The following HHLA2 variants were observed in gnomAD, a reference collection of about 807,000 sequenced individuals.
The protein encoded by HHLA2 is HHLA2 member of B7 family.
Under a neutral mutation model 45.9 loss-of-function variants are expected in HHLA2, and 48 were observed. The ratio of observed to expected loss-of-function variants is 1.05; its 90% CI spans 0.83 to 1.33. HHLA2 has a LOEUF of 1.33. Ranked by LOEUF, HHLA2 falls within the 40% of genes most tolerant of loss-of-function variation. The pLI is 0.00. For synonymous variants in HHLA2, 161 were observed against 173.9 expected, an observed-to-expected ratio of 0.93 and a Z score of 0.59; for missense variants, 462 against 494.3, an observed-to-expected ratio of 0.93 and a Z score of 0.62.
intron 3 of HHLA2, among the ~76,000 whole-genome samples, chr3:108,332,147 C>A (rs1447792776): frequency 6.6e-6 from 1 of 152,078 alleles, no homozygotes; most frequent in Admixed American, 6.6e-5. Flanking sequence ...GGTTCAAAAG[C>A]AATCAAAATT....
chr3:108,354,612 C>T (rs1029224350), intron 5 of HHLA2, among the ~76,000 whole-genome samples: 44 of 151,856 alleles, frequency 2.9e-4, no homozygotes, highest in African/African-American at 3.6e-4. Context: ...TATATATACA[C>T]ACACACACAT....
intron 10 of HHLA2, 98 bp from the exon 10 acceptor site, chr3:108,377,160 G>T: frequency 2.6e-6 from 2 of 760,910 alleles, no homozygotes; most frequent in South Asian, 1.7e-5. Flanking sequence ...GCTTTTTGCC[G>T]CCCACCCCAA....
intron 8 of HHLA2, among the ~76,000 whole-genome samples, chr3:108,373,454 C>A (rs1394919735): frequency 1.1e-4 from 17 of 152,106 alleles, no homozygotes; most frequent in African/African-American, 3.9e-4. Flanking sequence ...TCCTATTCAA[C>A]ATAGTGTTGG....
At chr3:108,370,520 A>G (rs1002212028) in intron 8 of HHLA2, among the ~76,000 whole-genome samples, 1 of 152,128 alleles carries the variant, frequency 6.6e-6, no homozygotes, top group African/African-American at 2.4e-5. Flanking sequence ...CAGACGATCA[A>G]ACTACTCTGA....
At chr3:108,320,289 T>C (rs2081177208) in intron 2 of HHLA2, among the ~76,000 whole-genome samples, 1 of 152,226 alleles carries the variant, frequency 6.6e-6, no homozygotes, top group Non-Finnish European at 1.5e-5. Flanking sequence ...TTTCTTTTCC[T>C]TTTATTTTCT....
At chr3:108,325,599 G>A (rs1397216910) in intron 2 of HHLA2, 1 of 241,560 alleles carries the variant, frequency 4.1e-6, no homozygotes, top group African/African-American at 2.3e-5. Flanking sequence ...ATAGGAACTA[G>A]AGTTTCTGCC....
chr3:108,320,313 T>A (rs2081177415), intron 2 of HHLA2, among the ~76,000 whole-genome samples: 2 of 152,226 alleles, frequency 1.3e-5, no homozygotes. Context: ...TGTGAAATTA[T>A]GTGTAAAATG....
chr3:108,347,587 TC>T (rs1199833949), intron 3 of HHLA2, among the ~76,000 whole-genome samples: 1 of 152,146 alleles, frequency 6.6e-6, no homozygotes, highest in Admixed American at 6.5e-5. Flanking sequence ...TAGAATGACT[TC>T]TTTTTTTAAA....
chr3:108,364,556 G>A (rs2082033175), intron 8 of HHLA2, among the ~76,000 whole-genome samples: 1 of 152,176 alleles, frequency 6.6e-6, no homozygotes, highest in East Asian at 1.9e-4. Context: ...CCAGATCCTT[G>A]AGGAATCGCC....
chr3:108,358,005 A>G, exon 7 of HHLA2: 2 of 1,613,840 alleles, frequency 1.2e-6, no homozygotes, highest in Non-Finnish European at 1.7e-6. Flanking sequence ...AAATACAATT[A>G]TCAATGAATC....
At chr3:108,305,851 G>A (rs1405496854) in intron 1 of HHLA2, among the ~76,000 whole-genome samples, 1 of 152,184 alleles carries the variant, frequency 6.6e-6, no homozygotes, top group African/African-American at 2.4e-5. Flanking sequence ...TTGGATTCCT[G>A]GAGAAAACCC....
intron 2 of HHLA2, among the ~76,000 whole-genome samples, chr3:108,319,285 A>G (rs1002056464): frequency 1.1e-4 from 17 of 152,124 alleles, no homozygotes; most frequent in African/African-American, 4.1e-4. Flanking sequence ...ACTTTGGCAT[A>G]CAACTTCTCC....
chr3:108,327,685 G>T (rs2081310248), intron 2 of HHLA2, among the ~76,000 whole-genome samples: 1 of 151,984 alleles, frequency 6.6e-6, no homozygotes, highest in Non-Finnish European at 1.5e-5. Flanking sequence ...TCTCTATCTT[G>T]TCTTGTCTCT....
At chr3:108,312,784 A>G (rs1481635404) in intron 2 of HHLA2, among the ~76,000 whole-genome samples, 1 of 152,182 alleles carries the variant, frequency 6.6e-6, no homozygotes, top group Non-Finnish European at 1.5e-5. Flanking sequence ...ACCCTCAGTA[A>G]TTCCACTGCA....
At chr3:108,302,432 A>G (rs1294435221) in intron 1 of HHLA2, 1 of 152,160 alleles carries the variant, frequency 6.6e-6, no homozygotes, top group Non-Finnish European at 1.5e-5. Flanking sequence ...TTGCATTTTG[A>G]TTGGTTCAAA....
intron 2 of HHLA2, among the ~76,000 whole-genome samples, chr3:108,324,834 A>G (rs1474933370): frequency 6.6e-6 from 1 of 152,060 alleles, no homozygotes; most frequent in Non-Finnish European, 1.5e-5. Context: ...CCTTGCTGCA[A>G]ATTTGTAATT....
At chr3:108,363,076 T>G (rs1258651405) in intron 8 of HHLA2, among the ~76,000 whole-genome samples, 3 of 152,176 alleles carry the variant, frequency 2.0e-5, no homozygotes, top group Admixed American at 6.5e-5. Flanking sequence ...TTTCTAAATT[T>G]TAGGCAAAAA....
Position 108,321,091 on chromosome 3 carries a change from T to TAAAAAAAAAA in HHLA2, c.-104-7167_-104-7158dup, listed in dbSNP as rs67374827. 8.7e-3 allele frequency among the ~76,000 whole-genome samples: 881 copies of TAAAAAAAAAA among 101,362 alleles called. 23 individuals are homozygous for TAAAAAAAAAA. Among genetic ancestry groups the TAAAAAAAAAA allele is most frequent in the African/African-American group, 0.03 (822 of 27,596 alleles). The allele number at this position is 101,362 out of a possible 152,430, so 66.5% of individuals were successfully genotyped here. On this transcript the variant is annotated intron_variant, in intron 2 of 10. Transcript: ENST00000619531. ...TCACCAGAACATTTCTCCAGGTGTT[T>TAAAAAAAAAA]AAAAAAAAAAAAAAAAAAAAAGACT...
chr3:108,358,147 A>T (rs1161440707), exon 7 of HHLA2: 2 of 1,608,498 alleles, frequency 1.2e-6, no homozygotes, highest in Non-Finnish European at 1.7e-6. Context: ...CTTACCATCC[A>T]CACAGTGCAT....
Sources: gnomAD v4.1 joint callset for allele counts (sites outside exome capture counted in the v4.1 genomes callset) on GRCh38, gnomAD v4.1.1 for gene constraint, MANE v1.5 for transcripts, NCBI Gene and HGNC (gene_info 2026-07-23, HGNC 2026-07-21) for gene names.